The following KLF12 variants were observed in gnomAD, a reference collection of about 807,000 sequenced individuals.
The protein encoded by KLF12 is KLF transcription factor 12.
A neutral mutation model predicts 37.8 loss-of-function variants in KLF12; 9 were observed. That is an observed-to-expected ratio of 0.24 (90% confidence interval 0.14 to 0.42). The LOEUF is 0.42. Among genes scored for constraint, KLF12 ranks in the 10% least tolerant of loss-of-function variants. The pLI, the probability that KLF12 is intolerant of heterozygous loss-of-function variation, is 1.00. For missense variants in KLF12, 411 were observed against 516.0 expected (o/e 0.80, Z 1.97); for synonymous variants, 208 against 202.1 (o/e 1.03, Z -0.25).
the KLF12 span, among the ~76,000 whole-genome samples, chr13:74,198,537 C>T: frequency 6.6e-6 from 1 of 152,146 alleles, no homozygotes; most frequent in South Asian, 2.1e-4. Context: ...AAATAAGAAT[C>T]TGGAAACTTT....
chr13:74,276,819 A>T, the KLF12 span, among the ~76,000 whole-genome samples: 2 of 152,112 alleles, frequency 1.3e-5, no homozygotes, highest in African/African-American at 4.8e-5. Context: ...TTTTGTTCTC[A>T]TGGTTTTACC....
rs113653603 is a variant in KLF12, at chr13:73,952,540, A to T, written c.34-8470T>A. The stretch of plus-strand genomic sequence containing the variant: ...AACAATAAGGTTAAAATTTGACATG[A>T]GATTTGAGTGGAGACACAGAGCCGA... On this transcript the variant is annotated intron_variant, in intron 2 of 7. Coordinates refer to ENST00000377669, the MANE Select transcript of KLF12 (RefSeq NM_007249.5). 1.2e-3 allele frequency among the ~76,000 whole-genome samples: 188 copies of T among 152,266 alleles called. 1 individual carries two copies. Among genetic ancestry groups the T allele is most frequent in the African/African-American group, 4.2e-3 (173 of 41,550 alleles).
chr13:74,079,244 T>C (rs954131187), intron 1 of KLF12, among the ~76,000 whole-genome samples: 4 of 152,164 alleles, frequency 2.6e-5, no homozygotes, highest in Admixed American at 2.6e-4. Flanking sequence ...GAGAAGTTAC[T>C]GTCCAATGGG....
At chr13:74,023,596 T>C (rs1474053589) in intron 1 of KLF12, among the ~76,000 whole-genome samples, 1 of 152,136 alleles carries the variant, frequency 6.6e-6, no homozygotes, top group Non-Finnish European at 1.5e-5. Context: ...ATCACTCCAA[T>C]CTCTGCCTCT....
chr13:74,096,440 A>G (rs1194669124), intron 1 of KLF12, among the ~76,000 whole-genome samples: 1 of 152,194 alleles, frequency 6.6e-6, no homozygotes, highest in African/African-American at 2.4e-5. Flanking sequence ...TACAATCACA[A>G]TGAACTTCAA....
At chr13:73,932,427 C>T (rs1889729568) in intron 3 of KLF12, among the ~76,000 whole-genome samples, 1 of 152,138 alleles carries the variant, frequency 6.6e-6, no homozygotes, top group Admixed American at 6.5e-5. Context: ...GGTCGAATGC[C>T]TTCAGAGCAC....
chr13:74,142,060 T>A, the KLF12 span, among the ~76,000 whole-genome samples: 26 of 152,358 alleles, frequency 1.7e-4, no homozygotes, highest in African/African-American at 6.0e-4. Flanking sequence ...AATAGATTGA[T>A]GTTTCTTAAC....
intron 2 of KLF12, among the ~76,000 whole-genome samples, chr13:73,993,430 A>G (rs1419924308): frequency 6.6e-6 from 1 of 152,210 alleles, no homozygotes; most frequent in Non-Finnish European, 1.5e-5. Flanking sequence ...CATTTGTCAT[A>G]ATAAAAATTA....
chr13:73,759,137 C>T (rs886859661), intron 6 of KLF12, among the ~76,000 whole-genome samples: 4 of 152,092 alleles, frequency 2.6e-5, no homozygotes, highest in African/African-American at 9.7e-5. Flanking sequence ...TTAACGATGA[C>T]ATCAACTATG....
At position 73,990,573 on chromosome 13, in the gene KLF12, T is replaced by TA. The variant is rs577938841; in HGVS notation, c.33+4416dup. ...AATAACCTTAATTTTAAAAGAATAG[T>TA]AAAACAAAAAGAGGAAAAAGGGAGT... On this transcript the variant is annotated intron_variant, in intron 2 of 7. Coordinates refer to ENST00000377669, the MANE Select transcript of KLF12 (RefSeq NM_007249.5). Among the ~76,000 whole-genome samples the TA allele has an allele frequency of 1.1e-3, 163 of 152,246 alleles. 1 individual carries two copies. The highest frequency in any genetic ancestry group is 6.8e-3 in the Middle Eastern group (2 of 294).
intron 2 of KLF12, among the ~76,000 whole-genome samples, chr13:73,982,485 T>A (rs1312866980): frequency 1.3e-5 from 2 of 152,114 alleles, no homozygotes; most frequent in Non-Finnish European, 2.9e-5. Context: ...ATATCTTCCA[T>A]CATTGAAAGG....
chr13:74,134,468 C>A (rs983291731), upstream of KLF12, among the ~76,000 whole-genome samples: 1 of 152,040 alleles, frequency 6.6e-6, no homozygotes, highest in Non-Finnish European at 1.5e-5. Context: ...AGGCAACACC[C>A]ACTGCCCGGC....
the KLF12 span, among the ~76,000 whole-genome samples, chr13:74,219,204 C>T: frequency 1.3e-5 from 2 of 152,182 alleles, no homozygotes; most frequent in African/African-American, 4.8e-5. Context: ...GATCATCCTG[C>T]CTTGACCTCC....
At chr13:74,130,258 G>A (rs1878186053) in intron 1 of KLF12, among the ~76,000 whole-genome samples, 1 of 152,172 alleles carries the variant, frequency 6.6e-6, no homozygotes. Context: ...GTGTGAGTTT[G>A]AAAGGAAAAA....
chr13:73,957,749 A>T (rs1302135935), intron 2 of KLF12, among the ~76,000 whole-genome samples: 1 of 152,212 alleles, frequency 6.6e-6, no homozygotes, highest in Non-Finnish European at 1.5e-5. Flanking sequence ...GTGACATAAA[A>T]TTTAATATAT....
intron 5 of KLF12, among the ~76,000 whole-genome samples, chr13:73,765,549 G>T (rs892120587): frequency 7.9e-5 from 12 of 152,318 alleles, no homozygotes; most frequent in African/African-American, 2.9e-4. Context: ...TGGAAGTGAT[G>T]TGCTACACTG....
At position 73,835,715 on chromosome 13, in the gene KLF12, T is replaced by A. The variant is rs182246069; in HGVS notation, c.670+10112A>T. On this transcript the variant is annotated intron_variant, in intron 4 of 7. Transcript: ENST00000377669. Reference sequence around the variant, plus strand: ...ATGACTAGTATATATACACACCCCCTGCCCGCAGTACCACATTTGCATATA... The same window carrying A: ...ATGACTAGTATATATACACACCCCCAGCCCGCAGTACCACATTTGCATATA... 5.3e-5 allele frequency among the ~76,000 whole-genome samples: 8 copies of A among 152,264 alleles called. No individual in the cohort carries two copies. In the East Asian group the frequency reaches 1.5e-3, roughly 29 times the overall value.
rs1878325035 is a variant in KLF12 at position 74,132,644 on chromosome 13, A to T, written c.-32+1095T>A. ...GTATTAATACTCTTTAACTCAACAC[A>T]GTCAGCTTTTATCAGCTGAAATAAG... On this transcript the variant is annotated intron_variant, in intron 1 of 7. Coordinates refer to ENST00000377669, the MANE Select transcript of KLF12 (RefSeq NM_007249.5). Among the ~76,000 whole-genome samples the T allele has an allele frequency of 2.0e-5, 3 of 152,362 alleles. No individual in the cohort carries two copies. In the South Asian group the frequency reaches 6.2e-4, roughly 32 times the overall value.
At chr13:73,729,035 A>C (rs2137790209) in intron 6 of KLF12, among the ~76,000 whole-genome samples, 1 of 152,300 alleles carries the variant, frequency 6.6e-6, no homozygotes, top group East Asian at 1.9e-4. Flanking sequence ...TTGTAACCTC[A>C]GTTCTGCTTT....
Sources: gnomAD v4.1 joint callset for allele counts (sites outside exome capture counted in the v4.1 genomes callset) on GRCh38, gnomAD v4.1.1 for gene constraint, MANE v1.5 for transcripts, NCBI Gene and HGNC (gene_info 2026-07-23, HGNC 2026-07-21) for gene names.